The following TUT7 variants were observed in gnomAD, a reference collection of about 807,000 sequenced individuals.
TUT7 encodes the protein terminal uridylyltransferase 7.
Under a neutral mutation model 165.9 loss-of-function variants are expected in TUT7, and 33 were observed. The ratio of observed to expected loss-of-function variants is 0.20; its 90% CI spans 0.15 to 0.27. The LOEUF is 0.27. Among genes scored for constraint, TUT7 ranks in the 10% least tolerant of loss-of-function variants. The pLI is 1.00. For synonymous variants in TUT7, 552 were observed against 608.1 expected, an observed-to-expected ratio of 0.91 and a Z score of 1.36; for missense variants, 1,338 against 1,762.3, an observed-to-expected ratio of 0.76 and a Z score of 4.31.
Position 86,346,474 on chromosome 9 carries a change from T to C in TUT7, c.527A>G (p.Lys176Arg). ...CTTCCTAGGTCTGGACCTCTGCTTC[T>C]TGTTTTCTTAAGGTGGGGGAAAAAT... ...SEMEAGSPENKKQRSRPRKPR... is the reference protein window; with the variant it reads ...SEMEAGSPENRKQRSRPRKPR... Residue 176 changes from lysine to arginine, a missense_variant, in exon 3 of 27, where the codon AAG becomes AGG. By Grantham distance (26) the Lys-to-Arg change is conservative. Coordinates refer to ENST00000375963, the MANE Select transcript of TUT7 (RefSeq NM_024617.4). The C allele has an allele frequency of 1.2e-6, 2 of 1,610,492 alleles. No individual in the cohort carries two copies. Among genetic ancestry groups the C allele is most frequent in the Non-Finnish European group, 1.7e-6 (2 of 1,178,914 alleles).
intron 17 of TUT7, 25 bp from the exon 18 acceptor site, chr9:86,310,834 C>T: frequency 7.8e-7 from 1 of 1,283,262 alleles, no homozygotes; most frequent in African/African-American, 1.5e-5. Flanking sequence ...AAAATGTTAT[C>T]ATTAAATACA....
chr9:86,290,600 G>GGGA, intron 26 of TUT7, among the ~76,000 whole-genome samples: 1 of 151,830 alleles, frequency 6.6e-6, no homozygotes, highest in Non-Finnish European at 1.5e-5. Flanking sequence ...CTAGCACTTT[G>GGGA]GGAGGCCAAG....
intron 2 of TUT7, 139 bp from the exon 3 acceptor site, chr9:86,346,619 T>A: frequency 2.4e-6 from 2 of 833,396 alleles, no homozygotes; most frequent in Non-Finnish European, 3.7e-6. Context: ...GTAGCTGTCC[T>A]ATGGACAAAA....
chr9:86,319,911 C>A (rs1378076345), intron 14 of TUT7, among the ~76,000 whole-genome samples: 1 of 152,154 alleles, frequency 6.6e-6, no homozygotes, highest in Non-Finnish European at 1.5e-5. Flanking sequence ...TAGCTTACTG[C>A]AACCTCTGCC....
chr9:86,346,369 G>A lies in TUT7; in HGVS notation c.632C>T (p.Thr211Met), dbSNP rs754054941. The change falls in exon 3 of 27, where the codon ACG becomes ATG. Residue 211 changes from threonine to methionine, a missense_variant. By Grantham distance (81) the Thr-to-Met change is moderately conservative (BLOSUM62 -1). This residue lies in a region of TUT7 where 434 missense variants were observed against 480.8 expected (regional missense o/e 0.90). Coordinates refer to ENST00000375963, the MANE Select transcript of TUT7 (RefSeq NM_024617.4). ...CTGCTGTAAGCCTAGCAGCTCCTTC[G>A]TTGAAAGTACAGACTCATCGATCAC... ...GPVIDESVLS[T>M]KELLGLQQAE... The A allele has an allele frequency of 1.3e-5, 21 of 1,613,890 alleles. No homozygotes were observed. Among genetic ancestry groups the A allele is most frequent in the Middle Eastern group, 1.6e-4 (1 of 6,084 alleles).
Position 86,314,195 on chromosome 9 carries a change from C to T in TUT7, c.3274+3024G>A, listed in dbSNP as rs944627349. Among the ~76,000 whole-genome samples, 6 of 152,148 alleles carry T rather than the reference C, an allele frequency of 3.9e-5. No homozygotes were observed. In the East Asian group the frequency reaches 1.2e-3, roughly 29 times the overall value. ...ACCTCCACCTAGTACTTTGCTATCT[C>T]GCCTCTAAATTAGACAGAGGCCCTT... On this transcript the variant is annotated intron_variant, in intron 17 of 26. Coordinates refer to ENST00000375963, the MANE Select transcript of TUT7 (RefSeq NM_024617.4).
At position 86,298,469 on chromosome 9, in the gene TUT7, A is replaced by G. The variant is rs894513610; in HGVS notation, c.4420+2807T>C. Among the ~76,000 whole-genome samples, 5 of 152,372 alleles carry G rather than the reference A, an allele frequency of 3.3e-5. No homozygotes were observed. The East Asian group carries it at 9.6e-4, about 29-fold the overall frequency. On this transcript the variant is annotated intron_variant, in intron 26 of 26. Transcript: ENST00000375963. Reference sequence around the variant, plus strand: ...GAGAAAACACTGCTGGCAAGACAGCAGCAACAAAAAGCACGGGACTGGAAC... The same window carrying G: ...GAGAAAACACTGCTGGCAAGACAGCGGCAACAAAAAGCACGGGACTGGAAC...
At chr9:86,351,927 C>A (rs964842282) in intron 2 of TUT7, among the ~76,000 whole-genome samples, 6 of 152,108 alleles carry the variant, frequency 3.9e-5, no homozygotes, top group Non-Finnish European at 8.8e-5. Flanking sequence ...AAATAACCTT[C>A]CTGTTTGCAG....
intron 6 of TUT7, among the ~76,000 whole-genome samples, chr9:86,342,459 G>C (rs1831404872): frequency 6.6e-6 from 1 of 152,060 alleles, no homozygotes; most frequent in Non-Finnish European, 1.5e-5. Context: ...GGAATGCAGT[G>C]GCAATTCTCA....
intron 26 of TUT7, among the ~76,000 whole-genome samples, chr9:86,294,560 TGG>T (rs2131265352): frequency 7.1e-6 from 1 of 140,574 alleles, no homozygotes; most frequent in African/African-American, 2.8e-5. Context: ...TAAAGAATAT[TGG>T]GGTTTTTCCA....
At chr9:86,312,473 C>T (rs74973338) in intron 17 of TUT7, among the ~76,000 whole-genome samples, 66,332 of 150,696 alleles carry the variant, frequency 0.44, 14,665 homozygotes, top group Middle Eastern at 0.58. Context: ...GCAGCCACCC[C>T]ATCCGGGAGG....
rs1230638793 is a variant in TUT7, at chr9:86,323,725, A to G, written c.2025T>C (p.Val675=). The change falls in exon 13 of 27, where the codon GTT becomes GTC. Residue 675 remains valine, a synonymous_variant. Transcript: ENST00000375963. ...TGGTAGCACCAGGACCTTGGGCCAAAACTGAGTTTTTGAGCTTATCATCTT... is the reference window on the plus strand; with the variant it reads ...TGGTAGCACCAGGACCTTGGGCCAAGACTGAGTTTTTGAGCTTATCATCTT... ...QTKDDKLKNS[V]LAQGPGATSS... 6.2e-7 allele frequency: 1 copy of G among 1,613,710 alleles called. No individual in the cohort carries two copies. Among genetic ancestry groups the G allele is most frequent in the South Asian group, 1.1e-5 (1 of 91,080 alleles).
chr9:86,347,679 TA>T (rs986274935), intron 2 of TUT7, among the ~76,000 whole-genome samples: 4 of 151,920 alleles, frequency 2.6e-5, no homozygotes, highest in African/African-American at 7.3e-5. Context: ...ATTAAAAAAT[TA>T]AAAAAAATTA....
At chr9:86,319,467 G>A in intron 15 of TUT7, 117 bp downstream of exon 15, 1 of 718,704 alleles carries the variant, frequency 1.4e-6, no homozygotes, top group Non-Finnish European at 2.2e-6. Context: ...ACCATCCTGG[G>A]TATATTGCAA....
intron 17 of TUT7, among the ~76,000 whole-genome samples, chr9:86,312,714 G>C (rs982187061): frequency 6.6e-6 from 1 of 152,174 alleles, no homozygotes; most frequent in Non-Finnish European, 1.5e-5. Context: ...GATGGTTGCC[G>C]TGTCTGTGTA....
chr9:86,349,916 C>A (rs1339549016), intron 2 of TUT7, among the ~76,000 whole-genome samples: 1 of 152,106 alleles, frequency 6.6e-6, no homozygotes, highest in East Asian at 1.9e-4. Context: ...TTAAAAGCAA[C>A]TTCTTTAGTT....
intron 8 of TUT7, 27 bp from the exon 9 acceptor site, chr9:86,338,976 G>A (rs1052335324): frequency 4.6e-6 from 7 of 1,529,074 alleles, no homozygotes; most frequent in South Asian, 1.3e-5. Context: ...GAGGAGGATG[G>A]GAAAGAAAAA....
chr9:86,321,174 G>A (rs897750706), intron 14 of TUT7, among the ~76,000 whole-genome samples: 2 of 150,364 alleles, frequency 1.3e-5, no homozygotes, highest in African/African-American at 2.5e-5. Flanking sequence ...CCAATATGGT[G>A]AAACCCCATC....
intron 16 of TUT7, among the ~76,000 whole-genome samples, chr9:86,317,655 C>G (rs1828850245): frequency 6.6e-6 from 1 of 152,194 alleles, no homozygotes; most frequent in Non-Finnish European, 1.5e-5. Flanking sequence ...TGTGCCCCAG[C>G]TCATTCATTC....
Sources: gnomAD v4.1 joint callset for allele counts (sites outside exome capture counted in the v4.1 genomes callset) on GRCh38, gnomAD v4.1.1 for gene constraint, gnomAD v4.1.1 regional missense constraint, MANE v1.5 for transcripts, NCBI Gene and HGNC (gene_info 2026-07-23, HGNC 2026-07-21) for gene names.